The following SRSF12 variants were observed in gnomAD, a reference collection of about 807,000 sequenced individuals.
SRSF12 encodes serine and arginine rich splicing factor 12.
SRSF12 carries 21 observed loss-of-function variants against 34.1 expected under a neutral mutation model. The observed-to-expected ratio is 0.62, with a 90% confidence interval of 0.44 to 0.89. SRSF12 has a LOEUF of 0.89. SRSF12 is among the 40% of genes least tolerant of loss of function. The pLI is 0.00. For synonymous variants in SRSF12, 111 were observed against 110.8 expected, an observed-to-expected ratio of 1.00 and a Z score of -0.01; for missense variants, 278 against 327.8, an observed-to-expected ratio of 0.85 and a Z score of 1.17.
intron 4 of SRSF12, among the ~76,000 whole-genome samples, chr6:89,101,448 G>A (rs1340283493): frequency 1.3e-5 from 2 of 152,150 alleles, no homozygotes; most frequent in African/African-American, 2.4e-5. Context: ...CCGGCCGGGT[G>A]CGGTGGCTCA....
At chr6:89,111,303 G>T (rs1769039634) in intron 1 of SRSF12, among the ~76,000 whole-genome samples, 1 of 152,106 alleles carries the variant, frequency 6.6e-6, no homozygotes, top group Admixed American at 6.5e-5. Context: ...ATGGGGTTTT[G>T]TTATGCTAGC....
At chr6:89,111,747 T>C (rs1769059743) in intron 1 of SRSF12, among the ~76,000 whole-genome samples, 1 of 152,194 alleles carries the variant, frequency 6.6e-6, no homozygotes, top group Admixed American at 6.5e-5. Context: ...CATCATTAAG[T>C]ATGATGTTAG....
chr6:89,104,297 C>T (rs10944430), intron 4 of SRSF12, among the ~76,000 whole-genome samples: 97,851 of 148,080 alleles, frequency 0.66, 32,823 homozygotes, highest in East Asian at 0.79. Flanking sequence ...AGTGCAATGG[C>T]GTGATCTCAG....
intron 1 of SRSF12, among the ~76,000 whole-genome samples, chr6:89,112,612 A>G (rs1769113007): frequency 6.6e-6 from 1 of 150,862 alleles, no homozygotes; most frequent in Non-Finnish European, 1.5e-5. Context: ...AGGCCTTGCT[A>G]TGTTGCCCAG....
chr6:89,102,969 T>C (rs1021372221), intron 4 of SRSF12, among the ~76,000 whole-genome samples: 7 of 152,142 alleles, frequency 4.6e-5, no homozygotes, highest in African/African-American at 1.7e-4. Context: ...CTCACTATGT[T>C]GCCCAGGCTG....
In SRSF12 at chr6:89,104,663, T is replaced by C. The variant is rs751209625; in HGVS notation, c.416+456A>G. On this transcript the variant is annotated intron_variant, in intron 4 of 4. Coordinates refer to ENST00000452027, the MANE Select transcript of SRSF12 (RefSeq NM_080743.5). ...CATAAACCCAAGTTAAATAACAATA[T>C]ATGATAAATAGAGAAGAGTGTTATC... Among the ~76,000 whole-genome samples, 28 of 152,186 alleles carry C rather than the reference T, an allele frequency of 1.8e-4. 1 individual carries two copies. Among genetic ancestry groups the C allele is most frequent in the Non-Finnish European group, 3.7e-4 (25 of 68,046 alleles).
At chr6:89,107,034 TAAAG>T (rs773748759) in intron 2 of SRSF12, 116 bp downstream of exon 2, 1 of 1,050,738 alleles carries the variant, frequency 9.5e-7, no homozygotes, top group Middle Eastern at 2.0e-4. Context: ...TCTTCTGAGA[TAAAG>T]AAATAAACAC....
intron 1 of SRSF12, among the ~76,000 whole-genome samples, chr6:89,114,744 T>C (rs1165929054): frequency 1.3e-5 from 2 of 152,212 alleles, no homozygotes; most frequent in Non-Finnish European, 2.9e-5. Flanking sequence ...CTGCATGACG[T>C]TTAAACATTT....
chr6:89,098,783 T>C lies in SRSF12; in HGVS notation c.581A>G (p.Lys194Arg). 4 of 1,614,000 alleles carry C rather than the reference T, an allele frequency of 2.5e-6. No homozygotes were observed. The highest frequency in any genetic ancestry group is 3.4e-6 in the Non-Finnish European group (4 of 1,179,892). Residue 194 changes from lysine (K) to arginine (R), a missense_variant, in exon 5 of 5, where the codon AAA becomes AGA. By Grantham distance (26) the Lys-to-Arg change is conservative. Coordinates refer to ENST00000452027, the MANE Select transcript of SRSF12 (RefSeq NM_080743.5). ...CTTTTGAGGTGAACTTGACTGTGAT[T>C]TTCCTATTGACTTGGACCTCTTTTG... Reference protein sequence around the residue: ...SLQKRSKSIGKSQSSSPQKQT... With the variant: ...SLQKRSKSIGRSQSSSPQKQT...
rs570809584 is a variant in SRSF12 at position 89,096,915 on chromosome 6, G to A, written c.*1663C>T. The A allele has an allele frequency of 6.6e-6, 1 of 152,154 alleles. No individual in the cohort carries two copies. Among genetic ancestry groups the A allele is most frequent in the Non-Finnish European group, 1.5e-5 (1 of 68,046 alleles). The allele number at this position is 152,154 out of a possible 1,614,324, so 9.4% of individuals were successfully genotyped here. The stretch of plus-strand genomic sequence containing the variant: ...CAGATTATCCTTTAGATTTTCAGTA[G>A]TGCCACATAATTTTATAACTAAATT... On this transcript the variant is annotated 3_prime_UTR_variant, in exon 5 of 5. Transcript: ENST00000452027.
At chr6:89,107,903 T>C (rs945608851) in intron 1 of SRSF12, among the ~76,000 whole-genome samples, 6 of 152,190 alleles carry the variant, frequency 3.9e-5, no homozygotes, top group Admixed American at 1.3e-4. Flanking sequence ...CATATCCACC[T>C]CTGAAAGTTA....
At chr6:89,111,887 G>A (rs1017745967) in intron 1 of SRSF12, among the ~76,000 whole-genome samples, 14 of 152,114 alleles carry the variant, frequency 9.2e-5, no homozygotes, top group African/African-American at 3.4e-4. Context: ...CTAGACTGGA[G>A]TTCCATTAAT....
At chr6:89,108,613 C>G (rs953763250) in intron 1 of SRSF12, among the ~76,000 whole-genome samples, 1 of 152,094 alleles carries the variant, frequency 6.6e-6, no homozygotes, top group Non-Finnish European at 1.5e-5. Flanking sequence ...TAAGAAGCTT[C>G]TAGCTTGGAC....
At chr6:89,098,974 T>G in intron 4 of SRSF12, 27 bp from the exon 5 acceptor site, 1 of 1,576,450 alleles carries the variant, frequency 6.3e-7, no homozygotes, top group African/African-American at 1.4e-5. Context: ...TGTTAGAGCA[T>G]ATATTTCACA....
chr6:89,116,496 C>T (rs1030920776), intron 1 of SRSF12, among the ~76,000 whole-genome samples: 1 of 152,064 alleles, frequency 6.6e-6, no homozygotes. Flanking sequence ...AATACTTGGC[C>T]GGGCACGGTG....
At chr6:89,114,320 C>T (rs1338045021) in intron 1 of SRSF12, among the ~76,000 whole-genome samples, 2 of 151,988 alleles carry the variant, frequency 1.3e-5, no homozygotes, top group South Asian at 2.1e-4. Flanking sequence ...CCCAGCTACT[C>T]GGGAGGCTGA....
Position 89,098,604 on chromosome 6 carries a change from T to G in SRSF12, c.760A>C (p.Ser254Arg). Residue 254 changes from serine to arginine, a missense_variant, in exon 5 of 5, where the codon AGT becomes CGT. Coordinates refer to ENST00000452027, the MANE Select transcript of SRSF12 (RefSeq NM_080743.5). ...CACCAACTGTTTTTATGACGATAAC[T>G]TCGAGATCTGGAATGTGACCGAAAA... ...SHFRSHSRSR[S>R]YRHKNSW The G allele has an allele frequency of 1.4e-5, 22 of 1,612,644 alleles. No homozygotes were observed. Among genetic ancestry groups the G allele is most frequent in the Non-Finnish European group, 1.8e-5 (21 of 1,178,770 alleles).
chr6:89,114,126 G>T (rs1769182770), intron 1 of SRSF12, among the ~76,000 whole-genome samples: 1 of 152,146 alleles, frequency 6.6e-6, no homozygotes, highest in Non-Finnish European at 1.5e-5. Flanking sequence ...TCGGTAAAAT[G>T]GGGTTAACAA....
intron 4 of SRSF12, among the ~76,000 whole-genome samples, chr6:89,103,991 CTTTTTTTT>C (rs55760020): frequency 1.1e-4 from 9 of 81,964 alleles, no homozygotes; most frequent in East Asian, 8.0e-4. Context: ...TATTATATTT[CTTTTTTTT>C]TTTTTTTTTT....
Sources: gnomAD v4.1 joint callset for allele counts (sites outside exome capture counted in the v4.1 genomes callset) on GRCh38, gnomAD v4.1.1 for gene constraint, MANE v1.5 for transcripts, NCBI Gene and HGNC (gene_info 2026-07-23, HGNC 2026-07-21) for gene names.